The following ABCA3 variants were observed in gnomAD, a reference collection of about 807,000 sequenced individuals.
The protein encoded by ABCA3 is phospholipid-transporting ATPase ABCA3.
A neutral mutation model predicts 172.8 loss-of-function variants in ABCA3; 88 were observed. That is an observed-to-expected ratio of 0.51 (90% CI 0.43 to 0.61). ABCA3 has a LOEUF of 0.61. Among genes scored for constraint, ABCA3 ranks in the 20% least tolerant of loss-of-function variants. The pLI, the probability that ABCA3 is intolerant of heterozygous loss-of-function variation, is 0.00. For synonymous variants in ABCA3, 1,066 were observed against 983.8 expected, an observed-to-expected ratio of 1.08 and a Z score of -1.56; for missense variants, 2,164 against 2,301.0, an observed-to-expected ratio of 0.94 and a Z score of 1.22.
rs538677708 is a variant in ABCA3 at position 2,323,274 on chromosome 16, A to G, written c.613+249T>C. 5.6e-4 allele frequency: 324 copies of G among 574,662 alleles called. 4 individuals are homozygous for G. The highest frequency in any genetic ancestry group is 3.3e-3 in the Middle Eastern group (7 of 2,110). The allele number at this position is 574,662 out of a possible 1,614,324, so 35.6% of individuals were successfully genotyped here. Reference sequence around the variant, plus strand: ...ATTCCTCAGGGATCTAGAACTAGAAATACCATTTGACCCAGCCATCCCATT... The same window carrying G: ...ATTCCTCAGGGATCTAGAACTAGAAGTACCATTTGACCCAGCCATCCCATT... On this transcript the variant is annotated intron_variant, in intron 7 of 32. Transcript: ENST00000301732.
At chr16:2,317,149 C>T in intron 10 of ABCA3, 134 bp downstream of exon 10, 1 of 1,357,434 alleles carries the variant, frequency 7.4e-7, no homozygotes, top group Middle Eastern at 1.8e-4. Context: ...CCAGTCCAAC[C>T]TTCCCCTGGT....
chr16:2,305,538 G>A (rs185772985), intron 11 of ABCA3, among the ~76,000 whole-genome samples: 8 of 151,804 alleles, frequency 5.3e-5, no homozygotes, highest in East Asian at 2.0e-4. Flanking sequence ...CCCATGACCC[G>A]CCCACCTCAG....
chr16:2,278,254 G>A lies in ABCA3; in HGVS notation c.4718+34C>T. 1 of 1,604,100 alleles carries A rather than the reference G, an allele frequency of 6.2e-7. No individual in the cohort carries two copies. Among genetic ancestry groups the A allele is most frequent in the Non-Finnish European group, 8.5e-7 (1 of 1,179,944 alleles). ...GCTCCTCCATGGCCCACCCGGTGCT[G>A]AAACTTCCAGTAACCCACAGACCCA... On this transcript the variant is annotated intron_variant, in intron 30 of 32. Coordinates refer to ENST00000301732, the MANE Select transcript of ABCA3 (RefSeq NM_001089.3). The surrounding 1 kb of genome is among the most constrained non-coding windows in gnomAD (Gnocchi z 4.4).
At chr16:2,295,524 C>A in intron 18 of ABCA3, 66 bp downstream of exon 18, 1 of 1,598,192 alleles carries the variant, frequency 6.3e-7, no homozygotes, top group Non-Finnish European at 8.5e-7. Context: ...GAGCACAAAG[C>A]CCTCATGGCC....
In ABCA3 at chr16:2,317,387, G is replaced by A; in HGVS notation, c.1007C>T (p.Ala336Val). ...GGAGGGGTCGCTGCGGGACAGCACGGCTACATTTGGCTTCACCTGCAGGGC... is the reference window on the plus strand; with the variant it reads ...GGAGGGGTCGCTGCGGGACAGCACGACTACATTTGGCTTCACCTGCAGGGC... ...LFCVKVKPNV[A>V]VLSRSDPSLV... The change falls in exon 10 of 33, where the codon GCC becomes GTC. Residue 336 changes from alanine to valine, a missense_variant. Coordinates refer to ENST00000301732, the MANE Select transcript of ABCA3 (RefSeq NM_001089.3). 1 of 1,613,850 alleles carries A rather than the reference G, an allele frequency of 6.2e-7. No individual in the cohort carries two copies. The highest frequency in any genetic ancestry group is 1.3e-5 in the African/African-American group (1 of 75,046).
At chr16:2,307,107 C>A (rs323029) in intron 11 of ABCA3, among the ~76,000 whole-genome samples, 1 of 150,374 alleles carries the variant, frequency 6.7e-6, no homozygotes, top group Non-Finnish European at 1.5e-5. Flanking sequence ...CACAGCGAGA[C>A]CCTGTCTCAA....
intron 10 of ABCA3, among the ~76,000 whole-genome samples, chr16:2,309,681 C>G (rs1211196833): frequency 6.6e-6 from 1 of 152,138 alleles, no homozygotes; most frequent in East Asian, 1.9e-4. Flanking sequence ...ACAGTGGTGC[C>G]ATCATGGCTC....
At chr16:2,299,633 G>C (rs2093685803) in intron 13 of ABCA3, 101 bp from the exon 14 acceptor site, 2 of 1,566,912 alleles carry the variant, frequency 1.3e-6, no homozygotes, top group Non-Finnish European at 1.7e-6. Context: ...AAGGAACCAA[G>C]CCTAGCGTCA....
At chr16:2,328,418 A>G in intron 3 of ABCA3, 35 bp downstream of exon 3, 1 of 464,894 alleles carries the variant, frequency 2.2e-6, no homozygotes, top group African/African-American at 2.0e-5. Context: ...AGTTAAGTTC[A>G]TCTCATGAAC....
intron 10 of ABCA3, 130 bp from the exon 11 acceptor site, chr16:2,308,753 T>A: frequency 1.9e-6 from 2 of 1,039,824 alleles, no homozygotes; most frequent in Non-Finnish European, 2.9e-6. Context: ...ACTTGCCATC[T>A]ACACGGGACA....
rs1446723304 is a variant in ABCA3 at position 2,286,578 on chromosome 16, C to G, written c.3278+116G>C. On this transcript the variant is annotated intron_variant, in intron 22 of 32. Coordinates refer to ENST00000301732, the MANE Select transcript of ABCA3 (RefSeq NM_001089.3). The surrounding 1 kb of genome is among the most constrained non-coding windows in gnomAD (Gnocchi z 5.2). ...GATGTGGCAGGGGTTTCCCACCAGA[C>G]CCAGGGGCTTTGGGAGGGCAGACAC... 7.1e-7 allele frequency: 1 copy of G among 1,398,994 alleles called. No homozygotes were observed. Among genetic ancestry groups the G allele is most frequent in the Non-Finnish European group, 9.7e-7 (1 of 1,027,066 alleles). 86.7% of individuals were successfully genotyped at this position (1,398,994 alleles called of 1,614,324 possible). A position where few individuals can be genotyped will look rare whatever the true frequency, so the allele number is the denominator to read the frequency against.
At chr16:2,335,245 GA>G (rs1190886363) in intron 1 of ABCA3, among the ~76,000 whole-genome samples, 4 of 152,040 alleles carry the variant, frequency 2.6e-5, no homozygotes, top group African/African-American at 9.7e-5. Context: ...AAAAAGTGAT[GA>G]AAAAATCTAC....
Position 2,281,564 on chromosome 16 carries a change from G to A in ABCA3, c.4036-55C>T, listed in dbSNP as rs76398579. The A allele has an allele frequency of 7.6e-4, 1,161 of 1,522,666 alleles. 8 individuals carry two copies. In the African/African-American group the frequency reaches 0.013, roughly 17 times the overall value. The allele number at this position is 1,522,666 out of a possible 1,614,324, so 94.3% of individuals were successfully genotyped here. The stretch of plus-strand genomic sequence containing the variant: ...TGAACCCAGCCGCAGGGCGGCTTCC[G>A]TGGAGAAGGGAGGGGCGGGGGTGGA... On this transcript the variant is annotated intron_variant, in intron 26 of 32. Transcript: ENST00000301732. The surrounding 1 kb of genome is among the most constrained non-coding windows in gnomAD (Gnocchi z 4.7).
chr16:2,317,264 C>T lies in ABCA3; in HGVS notation c.1111+19G>A, dbSNP rs768427431. 7.4e-6 allele frequency: 12 copies of T among 1,613,646 alleles called. No individual in the cohort carries two copies. Among genetic ancestry groups the T allele is most frequent in the Admixed American group, 3.3e-5 (2 of 60,018 alleles). On this transcript the variant is annotated intron_variant, in intron 10 of 32. Transcript: ENST00000301732. ...TTGGCCCCTTGGCAACCCCACTCTG[C>T]CCCATGACTGGGGCTCACCTTTGCT...
chr16:2,331,776 G>A (rs116719692), intron 1 of ABCA3, among the ~76,000 whole-genome samples: 2,169 of 152,282 alleles, frequency 0.014, 36 homozygotes, highest in African/African-American at 0.042. Flanking sequence ...CCCCGGCTGA[G>A]CCCCCATCAG....
chr16:2,299,110 C>T (rs323041), intron 14 of ABCA3, among the ~76,000 whole-genome samples: 2 of 76,584 alleles, frequency 2.6e-5, no homozygotes, highest in Non-Finnish European at 6.6e-5. Flanking sequence ...CCTGCATTCA[C>T]GGACAGAGGC....
intron 10 of ABCA3, among the ~76,000 whole-genome samples, chr16:2,314,951 C>G (rs1337712418): frequency 6.8e-6 from 1 of 147,274 alleles, no homozygotes; most frequent in Non-Finnish European, 1.5e-5. Context: ...AACCTCGGCT[C>G]ACTGCAACCT....
rs377141717 is a variant in ABCA3, at chr16:2,334,328, C to T, written c.-538-4474G>A. On this transcript the variant is annotated intron_variant, in intron 1 of 32. Transcript: ENST00000301732. ...AGACCCTGGGCCCATGTCATCAAGG[C>T]GCTGGATGTTGCACCAAGAAGGGAG... 4.3e-4 allele frequency among the ~76,000 whole-genome samples: 65 copies of T among 152,176 alleles called. 1 individual carries two copies. In the Middle Eastern group the frequency reaches 0.014, roughly 32 times the overall value.
intron 5 of ABCA3, 63 bp from the exon 6 acceptor site, chr16:2,324,594 G>A (rs1043671256): frequency 1.9e-5 from 30 of 1,598,888 alleles, no homozygotes; most frequent in East Asian, 6.7e-5. Context: ...AAAAATCTGC[G>A]TGGTTCAGGT....
Sources: gnomAD v4.1 joint callset for allele counts (sites outside exome capture counted in the v4.1 genomes callset) on GRCh38, gnomAD v4.1.1 for gene constraint, Gnocchi (gnomAD v3.1) non-coding constraint, MANE v1.5 for transcripts, NCBI Gene and HGNC (gene_info 2026-07-23, HGNC 2026-07-21) for gene names.